PVALEF: variants seen among roughly 807,000 people sequenced by gnomAD.
PVALEF encodes the protein parvalbumin-like EF-hand-containing protein.
PVALEF carries 2 observed loss-of-function variants against 1.2 expected under a neutral mutation model. The ratio of observed to expected loss-of-function variants is 1.68; its 90% CI spans 0.69 to 5.28. The LOEUF (loss-of-function observed/expected upper bound fraction) is 5.28. Ranked by LOEUF, PVALEF falls within the 30% of genes most tolerant of loss-of-function variation. PVALEF has a pLI of 0.06. For missense variants in PVALEF, 35 were observed against 17.7 expected (o/e 1.97, Z -1.75); for synonymous variants, 16 against 6.5 (o/e 2.47, Z -2.24).
rs886888429 is a variant in PVALEF, at chr17:81,166,126, C to G, written c.-508+379C>G. On this transcript the variant is annotated intron_variant, in intron 1 of 6. Coordinates refer to ENST00000637878, the MANE Select transcript of PVALEF (RefSeq NM_001354639.2). Reference sequence around the variant, plus strand: ...CGCCGGCCCCCGCGCCCCGCGCCCCCCGCCGCAGCCGCAGAGCCCGCACCG... The same window carrying G: ...CGCCGGCCCCCGCGCCCCGCGCCCCGCGCCGCAGCCGCAGAGCCCGCACCG... The G allele has an allele frequency of 7.2e-3, 2,722 of 376,834 alleles. 12 individuals are homozygous for G. Among genetic ancestry groups the G allele is most frequent in the Non-Finnish European group, 9.1e-3 (2,529 of 278,792 alleles). The allele number at this position is 376,834 out of a possible 1,614,324, so 23.3% of individuals were successfully genotyped here.
chr17:81,178,549 C>T lies in PVALEF; in HGVS notation c.-339-369C>T, dbSNP rs534694563. Among the ~76,000 whole-genome samples the T allele has an allele frequency of 7.2e-5, 11 of 152,286 alleles. No individual in the cohort carries two copies. In the South Asian group the frequency reaches 1.2e-3, roughly 17 times the overall value. On this transcript the variant is annotated intron_variant, in intron 2 of 6. Transcript: ENST00000637878. Reference sequence around the variant, plus strand: ...GAACTTGGAGCCTCCCCACCCCCACCGGCCTGCAGGCTGTGCTGTGCCCCT... The same window carrying T: ...GAACTTGGAGCCTCCCCACCCCCACTGGCCTGCAGGCTGTGCTGTGCCCCT...
At chr17:81,166,512 G>GGGC (rs1555604322) in intron 1 of PVALEF, among the ~76,000 whole-genome samples, 165 bp from the exon 2 acceptor site, 1 of 103,578 alleles carries the variant, frequency 9.7e-6, no homozygotes, top group Non-Finnish European at 2.2e-5. Flanking sequence ...GCGGGGGGGG[G>GGGC]GGAAACGGAA....
At chr17:81,171,033 G>A (rs1171711324) in intron 2 of PVALEF, among the ~76,000 whole-genome samples, 3 of 152,220 alleles carry the variant, frequency 2.0e-5, no homozygotes, top group African/African-American at 7.2e-5. Flanking sequence ...CAGGCAGGAA[G>A]GTGGGCAGTG....
At chr17:81,176,749 C>G (rs572698680) in intron 2 of PVALEF, among the ~76,000 whole-genome samples, 145 of 152,198 alleles carry the variant, frequency 9.5e-4, no homozygotes, top group African/African-American at 3.0e-3. Context: ...CCAGCAATTC[C>G]ACTTCTGGTT....
intron 6 of PVALEF, among the ~76,000 whole-genome samples, chr17:81,182,492 C>T (rs765484162): frequency 2.6e-5 from 4 of 152,328 alleles, no homozygotes; most frequent in South Asian, 2.1e-4. Context: ...GCCCAGCCAC[C>T]GGCCGTTCTC....
intron 2 of PVALEF, among the ~76,000 whole-genome samples, chr17:81,167,746 C>T (rs1339316091): frequency 6.6e-6 from 1 of 152,252 alleles, no homozygotes; most frequent in Non-Finnish European, 1.5e-5. Flanking sequence ...CCAGAGCCTT[C>T]TTCCTGGCCC....
rs971619706 is a variant in PVALEF, at chr17:81,181,677, T to C, written c.225T>C (p.Ile75=). 5.0e-6 allele frequency: 2 copies of C among 403,896 alleles called. No homozygotes were observed. The highest frequency in any genetic ancestry group is 8.7e-6 in the Non-Finnish European group (2 of 229,714). 25.0% of individuals were successfully genotyped at this position (403,896 alleles called of 1,614,324 possible). A position where few individuals can be genotyped will look rare whatever the true frequency, so the allele number is the denominator to read the frequency against. The change falls in exon 5 of 7, where the codon ATT becomes ATC. Residue 75 remains isoleucine (I), a synonymous_variant. Transcript: ENST00000637878. ...TGGACAAGGACAAGAGTGGCTTCAT[T>C]GAGTGGAACGAGATCAAGTAATGGC... ...QSLDKDKSGF[I]EWNEIKYILS...
intron 2 of PVALEF, among the ~76,000 whole-genome samples, chr17:81,173,537 A>G (rs1383284555): frequency 6.6e-6 from 1 of 152,210 alleles, no homozygotes; most frequent in African/African-American, 2.4e-5. Flanking sequence ...GGCCTATATC[A>G]TATCTTGCTC....
intron 3 of PVALEF, among the ~76,000 whole-genome samples, chr17:81,179,368 G>A (rs1377393702): frequency 3.3e-5 from 5 of 152,240 alleles, no homozygotes; most frequent in African/African-American, 4.8e-5. Flanking sequence ...GCCCCCGGAT[G>A]GAAGACAGCT....
Position 81,169,292 on chromosome 17 carries a change from C to CT in PVALEF, c.-340+2448_-340+2449insT, listed in dbSNP as rs1598246017. 2.0e-5 allele frequency among the ~76,000 whole-genome samples: 3 copies of CT among 152,298 alleles called. No homozygotes were observed. The East Asian group carries it at 5.8e-4, about 29-fold the overall frequency. ...ACTTCATGGCATGTGACTTATATCT[C>CT]AATAAAATTGTTAAAAACAGTAATC... is the stretch of plus-strand genomic sequence containing the variant. On this transcript the variant is annotated intron_variant, in intron 2 of 6. Coordinates refer to ENST00000637878, the MANE Select transcript of PVALEF (RefSeq NM_001354639.2).
intron 2 of PVALEF, among the ~76,000 whole-genome samples, chr17:81,177,716 A>C (rs2061540411): frequency 6.6e-6 from 1 of 152,180 alleles, no homozygotes; most frequent in Non-Finnish European, 1.5e-5. Flanking sequence ...TCTGCAGGTG[A>C]CTTTACCTCC....
At position 81,178,999 on chromosome 17, in the gene PVALEF, C is replaced by A. The variant is rs1282693830; in HGVS notation, c.-258C>A. 4.5e-6 allele frequency: 2 copies of A among 439,574 alleles called. No individual in the cohort carries two copies. The highest frequency in any genetic ancestry group is 9.2e-6 in the Non-Finnish European group (2 of 217,114). The allele number at this position is 439,574 out of a possible 1,614,324, so 27.2% of individuals were successfully genotyped here. A position where few individuals can be genotyped will look rare whatever the true frequency, so the allele number is the denominator to read the frequency against. ...CCAAGTGCCTGCGAGCCCCTGGGAG[C>A]TGCCCGTGCCAGGCTGGAGTGCCGG... On this transcript the variant is annotated 5_prime_UTR_variant, in exon 3 of 7. The change creates a new upstream start codon in the 5' untranslated region. Transcript: ENST00000637878.
At chr17:81,179,379 G>C (rs955231453) in intron 3 of PVALEF, among the ~76,000 whole-genome samples, 2 of 152,222 alleles carry the variant, frequency 1.3e-5, no homozygotes, top group African/African-American at 4.8e-5. Context: ...GAAGACAGCT[G>C]CAGGTGCCTG....
At chr17:81,165,930 G>C in intron 1 of PVALEF, 183 bp downstream of exon 1, 1 of 1,577,636 alleles carries the variant, frequency 6.3e-7, no homozygotes, top group South Asian at 1.2e-5. Flanking sequence ...GGGCCGCCAG[G>C]GACTCACCGG....
intron 6 of PVALEF, 24 bp downstream of exon 6, chr17:81,182,105 C>T: frequency 2.5e-6 from 1 of 398,642 alleles, no homozygotes; most frequent in Admixed American, 4.4e-5. Context: ...AGCCGGGGCA[C>T]CCTCAGGACC....
At chr17:81,179,913 G>T (rs1487811728) in intron 3 of PVALEF, among the ~76,000 whole-genome samples, 1 of 152,186 alleles carries the variant, frequency 6.6e-6, no homozygotes, top group East Asian at 1.9e-4. Flanking sequence ...AGGCCTTTTG[G>T]CAGGGCCTTT....
intron 1 of PVALEF, among the ~76,000 whole-genome samples, chr17:81,166,261 AG>A (rs570570934): frequency 3.9e-4 from 24 of 61,984 alleles, no homozygotes; most frequent in South Asian, 1.5e-3. Flanking sequence ...GGCGCGGGGG[AG>A]GGGGGGGCCC....
At chr17:81,170,204 T>C (rs2061515598) in intron 2 of PVALEF, among the ~76,000 whole-genome samples, 1 of 151,728 alleles carries the variant, frequency 6.6e-6, no homozygotes, top group African/African-American at 2.4e-5. Context: ...TTTGCATATG[T>C]GTAGGTGTGT....
Position 81,174,964 on chromosome 17 carries a change from A to AAAC in PVALEF, c.-339-3954_-339-3953insAAC, listed in dbSNP as rs1203821714. ...ACTCCGTCTCAAAAAAAAAAAAAAAATTACCTCTGTTCACAAATGATATGA... is the reference window on the plus strand; with the variant it reads ...ACTCCGTCTCAAAAAAAAAAAAAAAAAACTTACCTCTGTTCACAAATGATATGA... On this transcript the variant is annotated intron_variant, in intron 2 of 6. Transcript: ENST00000637878. 8.1e-3 allele frequency among the ~76,000 whole-genome samples: 1,223 copies of AAAC among 151,526 alleles called. 18 individuals are homozygous for AAAC. The highest frequency in any genetic ancestry group is 0.028 in the African/African-American group (1,166 of 41,074).
Sources: gnomAD v4.1 joint callset for allele counts (sites outside exome capture counted in the v4.1 genomes callset) on GRCh38, gnomAD v4.1.1 for gene constraint, MANE v1.5 for transcripts, NCBI Gene and HGNC (gene_info 2026-07-23, HGNC 2026-07-21) for gene names.